Variants in DNM3 observed in about 807,000 individuals in gnomAD.
DNM3 encodes the protein dynamin-3.
DNM3 carries 47 observed loss-of-function variants against 101.6 expected under a neutral mutation model. The ratio of observed to expected loss-of-function variants is 0.46; its 90% CI spans 0.37 to 0.59. The LOEUF is 0.59. Among genes scored for constraint, DNM3 ranks in the 20% least tolerant of loss-of-function variants. The probability of loss-of-function intolerance (pLI) is 0.00; values close to 1 mark genes in which losing one functional copy is unlikely to be tolerated. For missense variants in DNM3, 849 were observed against 1,085.7 expected (o/e 0.78, Z 3.06); for synonymous variants, 385 against 387.9 (o/e 0.99, Z 0.09).
chr1:172,271,161 G>A (rs559626154), intron 15 of DNM3, among the ~76,000 whole-genome samples: 1 of 152,200 alleles, frequency 6.6e-6, no homozygotes, highest in South Asian at 2.1e-4. Context: ...CAGGAATATT[G>A]TGAGTTGGTT....
At chr1:172,104,958 T>C (rs1483762190) in intron 13 of DNM3, among the ~76,000 whole-genome samples, 1 of 152,200 alleles carries the variant, frequency 6.6e-6, no homozygotes, top group Admixed American at 6.5e-5. Flanking sequence ...TGTTTCTCTG[T>C]TTCCTCATTT....
In DNM3 at chr1:172,057,613, G is replaced by T. The variant is rs538805785; in HGVS notation, c.1335+8863G>T. Among the ~76,000 whole-genome samples, 765 of 152,104 alleles carry T rather than the reference G, an allele frequency of 5.0e-3. 15 individuals are homozygous for T. The highest frequency in any genetic ancestry group is 0.017 in the African/African-American group (705 of 41,486). On this transcript the variant is annotated intron_variant, in intron 10 of 20. Coordinates refer to ENST00000627582, the MANE Select transcript of DNM3 (RefSeq NM_015569.5). ...CAAACTAAGCTTCATAAATGAAGGA[G>T]AAATAAAATACTTTACAGACAAGCA...
rs78713150 is a variant in DNM3, at chr1:171,963,793, C to CA, written c.236-23854dup. ...GTATATATATATATAAAATCACAGC[C>CA]AAAAAAAAATCCTAAGAGATTGTTT... On this transcript the variant is annotated intron_variant, in intron 2 of 20. Coordinates refer to ENST00000627582, the MANE Select transcript of DNM3 (RefSeq NM_015569.5). 6.6e-3 allele frequency among the ~76,000 whole-genome samples: 982 copies of CA among 147,716 alleles called. 15 individuals are homozygous for CA. The highest frequency in any genetic ancestry group is 0.022 in the African/African-American group (883 of 40,366).
In DNM3 at chr1:172,127,738, C is replaced by T. The variant is rs1374807690; in HGVS notation, c.1546-3437C>T. On this transcript the variant is annotated intron_variant, in intron 13 of 20. Transcript: ENST00000627582. ...TACTAATTATGAATCAATAAACATG[C>T]TCAATTGTTGCCCATGCTAAAGAAA... Among the ~76,000 whole-genome samples, 3 of 151,938 alleles carry T rather than the reference C, an allele frequency of 2.0e-5. No homozygotes were observed. In the East Asian group the frequency reaches 5.8e-4, roughly 29 times the overall value.
intron 1 of DNM3, among the ~76,000 whole-genome samples, chr1:171,896,303 CTT>C (rs1369246061): frequency 6.6e-6 from 1 of 152,122 alleles, no homozygotes; most frequent in Non-Finnish European, 1.5e-5. Flanking sequence ...TTTGTGTCCT[CTT>C]TTATTTCATT....
intron 13 of DNM3, among the ~76,000 whole-genome samples, chr1:172,120,229 G>A (rs2056222354): frequency 6.6e-6 from 1 of 152,150 alleles, no homozygotes; most frequent in East Asian, 1.9e-4. Flanking sequence ...GAGGTTCAAA[G>A]TCACATGGTG....
chr1:172,355,504 G>A (rs189684646), intron 17 of DNM3, among the ~76,000 whole-genome samples: 2 of 152,266 alleles, frequency 1.3e-5, no homozygotes, highest in Non-Finnish European at 2.9e-5. Context: ...ACACAGTGGT[G>A]TGCTGATAGA....
At chr1:172,400,478 G>C (rs2070394180) in intron 20 of DNM3, among the ~76,000 whole-genome samples, 1 of 151,902 alleles carries the variant, frequency 6.6e-6, no homozygotes, top group African/African-American at 2.4e-5. Flanking sequence ...CAGGAGAAAA[G>C]GAGGAAAGGA....
intron 13 of DNM3, among the ~76,000 whole-genome samples, chr1:172,106,955 G>C (rs1045862970): frequency 7.2e-6 from 1 of 139,210 alleles, no homozygotes; most frequent in Admixed American, 8.1e-5. Flanking sequence ...CCGCTTCCCG[G>C]GTTCACGCCA....
chr1:172,360,875 C>G lies in DNM3; in HGVS notation c.1894-18143C>G, dbSNP rs150461231. On this transcript the variant is annotated intron_variant, in intron 17 of 20. Coordinates refer to ENST00000627582, the MANE Select transcript of DNM3 (RefSeq NM_015569.5). The stretch of plus-strand genomic sequence containing the variant: ...TTTAGGGCAAATGAAAGGAAATCTA[C>G]TTCACATAGCAGGTTATAAACTTGT... Among the ~76,000 whole-genome samples the G allele has an allele frequency of 1.5e-3, 227 of 152,124 alleles. 1 individual carries two copies. The highest frequency in any genetic ancestry group is 5.3e-3 in the African/African-American group (220 of 41,532).
chr1:172,341,549 T>C (rs2066687813), intron 17 of DNM3, among the ~76,000 whole-genome samples: 1 of 152,168 alleles, frequency 6.6e-6, no homozygotes, highest in African/African-American at 2.4e-5. Flanking sequence ...TATAGACTAA[T>C]GGAACAGAAT....
downstream of DNM3, among the ~76,000 whole-genome samples, chr1:172,414,777 T>G (rs953709023): frequency 2.0e-5 from 3 of 146,724 alleles, no homozygotes; most frequent in Non-Finnish European, 4.5e-5. Flanking sequence ...AAAAGTTGTT[T>G]GTTTTAATTA....
intron 14 of DNM3, among the ~76,000 whole-genome samples, chr1:172,143,991 G>T (rs891941923): frequency 6.6e-6 from 1 of 152,084 alleles, no homozygotes; most frequent in Non-Finnish European, 1.5e-5. Context: ...GGGGAAAAAT[G>T]ACTTCAGTCC....
At chr1:172,043,069 T>C (rs1279941504) in intron 8 of DNM3, among the ~76,000 whole-genome samples, 1 of 152,084 alleles carries the variant, frequency 6.6e-6, no homozygotes, top group Admixed American at 6.6e-5. Context: ...GGAAGAGGCT[T>C]GTGCAAGGGG....
At chr1:172,238,800 T>C (rs1330573727) in intron 14 of DNM3, among the ~76,000 whole-genome samples, 2 of 151,532 alleles carry the variant, frequency 1.3e-5, no homozygotes, top group Non-Finnish European at 2.9e-5. Context: ...AAAACAAAGC[T>C]GCCTGAATGG....
intron 4 of DNM3, among the ~76,000 whole-genome samples, chr1:172,013,919 TATTA>T (rs1297464424): frequency 3.3e-5 from 5 of 152,118 alleles, no homozygotes; most frequent in African/African-American, 1.2e-4. Context: ...TAATACACTT[TATTA>T]TTTTGAGCAG....
intron 14 of DNM3, among the ~76,000 whole-genome samples, chr1:172,190,708 C>G (rs541756189): frequency 6.6e-6 from 1 of 152,150 alleles, no homozygotes; most frequent in African/African-American, 2.4e-5. Flanking sequence ...GATTGCCATT[C>G]TAACTGGTGT....
At chr1:172,080,121 C>A (rs974767197) in intron 11 of DNM3, among the ~76,000 whole-genome samples, 1 of 152,212 alleles carries the variant, frequency 6.6e-6, no homozygotes, top group Admixed American at 6.5e-5. Context: ...CTTGAGGAGG[C>A]AGTCTGTCCT....
intron 14 of DNM3, among the ~76,000 whole-genome samples, chr1:172,225,730 T>A (rs909667414): frequency 1.4e-4 from 21 of 152,072 alleles, no homozygotes; most frequent in African/African-American, 4.6e-4. Context: ...TTCAGCCTGG[T>A]GACAGAGAAA....
Sources: gnomAD v4.1 joint callset for allele counts (sites outside exome capture counted in the v4.1 genomes callset) on GRCh38, gnomAD v4.1.1 for gene constraint, MANE v1.5 for transcripts, NCBI Gene and HGNC (gene_info 2026-07-23, HGNC 2026-07-21) for gene names.